The following OLFM3 variants were observed in gnomAD, a reference collection of about 807,000 sequenced individuals.
OLFM3 encodes noelin-3.
OLFM3 carries 20 observed loss-of-function variants against 48.6 expected under a neutral mutation model. That is an observed-to-expected ratio of 0.41 (90% CI 0.29 to 0.60). The LOEUF (loss-of-function observed/expected upper bound fraction) is 0.60. OLFM3 is among the 20% of genes least tolerant of loss of function. The pLI is 0.28. For synonymous variants in OLFM3, 222 were observed against 198.1 expected (o/e 1.12, Z -1.01); for missense variants, 437 against 544.3 (o/e 0.80, Z 1.96).
chr1:101,879,181 A>AT (rs1224407049), intron 1 of OLFM3, among the ~76,000 whole-genome samples: 3 of 151,820 alleles, frequency 2.0e-5, no homozygotes, highest in South Asian at 2.1e-4. Context: ...ATGAGAATCC[A>AT]TTTTTTTGCT....
intron 1 of OLFM3, among the ~76,000 whole-genome samples, chr1:101,925,906 C>G (rs1659257008): frequency 6.6e-6 from 1 of 152,016 alleles, no homozygotes; most frequent in Non-Finnish European, 1.5e-5. Flanking sequence ...ATGCTCATTA[C>G]CTAGCACTTG....
At chr1:101,952,172 A>G (rs1332539805) in intron 1 of OLFM3, among the ~76,000 whole-genome samples, 1 of 152,134 alleles carries the variant, frequency 6.6e-6, no homozygotes, top group Non-Finnish European at 1.5e-5. Context: ...AGCCTTCAGG[A>G]CTTAGTTCAA....
intron 1 of OLFM3, among the ~76,000 whole-genome samples, chr1:101,974,752 T>C (rs1660902297): frequency 6.6e-6 from 1 of 152,118 alleles, no homozygotes; most frequent in Admixed American, 6.6e-5. Flanking sequence ...ACTAGATAGT[T>C]TTGACATTTG....
intron 1 of OLFM3, among the ~76,000 whole-genome samples, chr1:101,961,655 G>A (rs973725190): frequency 7.9e-5 from 12 of 152,058 alleles, no homozygotes; most frequent in Admixed American, 2.6e-4. Flanking sequence ...AGGAGATAGC[G>A]ATTTACTGCA....
Position 101,836,988 on chromosome 1 carries a change from C to G in OLFM3, c.107G>C (p.Ser36Thr), listed in dbSNP as rs1285847136. 1.2e-6 allele frequency: 2 copies of G among 1,614,070 alleles called. No individual in the cohort carries two copies. Among genetic ancestry groups the G allele is most frequent in the African/African-American group, 2.7e-5 (2 of 75,050 alleles). The change falls in exon 2 of 6, where the codon AGC (serine) becomes ACC (threonine). Residue 36 changes from serine (S) to threonine (T), a missense_variant. Around this residue, in one of 3 missense-constraint regions of OLFM3, gnomAD observed 314 missense variants for 365.5 expected, o/e 0.86. Coordinates refer to ENST00000370103, the MANE Select transcript of OLFM3 (RefSeq NM_058170.4). ...ISPKEGWQVY[S>T]SAQDPDGRCI... ...CCGCCCATCAGGATCCTGAGCTGAG[C>G]TGTACACCTGCCACCCTTCTTTAGG...
intron 1 of OLFM3, among the ~76,000 whole-genome samples, chr1:101,928,159 TG>T (rs1308201553): frequency 6.6e-6 from 1 of 152,088 alleles, no homozygotes; most frequent in Non-Finnish European, 1.5e-5. Context: ...AGAGACCACA[TG>T]AAATCTTTCT....
chr1:101,991,005 AAAAAAAAAAAAATATATAT>A (rs1338975696), intron 1 of OLFM3, among the ~76,000 whole-genome samples: 1 of 100,032 alleles, frequency 1.0e-5, no homozygotes, highest in African/African-American at 3.9e-5. Flanking sequence ...AAAAAAAAAA[AAAAAAAAAAAAATATATAT>A]ATATATATAT....
chr1:101,991,016 A>AATATATATATAT (rs1215588189), intron 1 of OLFM3, among the ~76,000 whole-genome samples: 28 of 32,218 alleles, frequency 8.7e-4, no homozygotes, highest in African/African-American at 1.5e-3. Context: ...AAAAAAAAAA[A>AATATATATATAT]ATATATATAT....
In OLFM3 at chr1:101,804,802, T is replaced by A. The variant is rs781547568; in HGVS notation, c.813A>T (p.Ala271=). Residue 271 remains alanine, a synonymous_variant, in exon 6 of 6, where the codon GCA becomes GCT. Coordinates refer to ENST00000370103, the MANE Select transcript of OLFM3 (RefSeq NM_058170.4). The surrounding 1 kb of genome is among the most constrained non-coding windows in gnomAD (Gnocchi z 4.5). The part of the protein sequence containing the change: ...SRTYNLPFKW[A]GTNHVVYNGS... The stretch of plus-strand genomic sequence containing the variant: ...CATTGTAGACAACATGGTTAGTTCC[T>A]GCCCACTTGAAAGGAAGGTTGTATG... The A allele has an allele frequency of 6.2e-7, 1 of 1,612,680 alleles. No individual in the cohort carries two copies. The highest frequency in any genetic ancestry group is 8.5e-7 in the Non-Finnish European group (1 of 1,179,114).
At chr1:101,854,767 G>A (rs902077253) in intron 1 of OLFM3, among the ~76,000 whole-genome samples, 6 of 151,994 alleles carry the variant, frequency 3.9e-5, no homozygotes, top group Non-Finnish European at 7.4e-5. Flanking sequence ...GCAGTCTCAC[G>A]TGTACCCTTT....
chr1:101,967,018 T>C (rs2101091084), intron 1 of OLFM3, among the ~76,000 whole-genome samples: 1 of 152,310 alleles, frequency 6.6e-6, no homozygotes, highest in South Asian at 2.1e-4. Flanking sequence ...CTCTGATTGT[T>C]TCTTTTGTCA....
intron 1 of OLFM3, among the ~76,000 whole-genome samples, chr1:101,948,737 C>T (rs1251446200): frequency 6.6e-6 from 1 of 151,702 alleles, no homozygotes; most frequent in Non-Finnish European, 1.5e-5. Flanking sequence ...AGGGTTTTCT[C>T]TTTTTATTCT....
At chr1:101,827,308 A>C (rs1654907815) in intron 3 of OLFM3, among the ~76,000 whole-genome samples, 1 of 151,834 alleles carries the variant, frequency 6.6e-6, no homozygotes, top group Non-Finnish European at 1.5e-5. Flanking sequence ...AAATTGTGTA[A>C]CAGAGGAAGA....
At chr1:101,902,272 A>G (rs564157608) in intron 1 of OLFM3, among the ~76,000 whole-genome samples, 5 of 152,222 alleles carry the variant, frequency 3.3e-5, no homozygotes, top group African/African-American at 9.6e-5. Context: ...TCTATTCGAT[A>G]GAATAAGTCC....
intron 1 of OLFM3, among the ~76,000 whole-genome samples, chr1:101,962,943 C>T (rs1660508188): frequency 6.6e-6 from 1 of 152,184 alleles, no homozygotes; most frequent in Non-Finnish European, 1.5e-5. Flanking sequence ...AATTTGGCAA[C>T]CCTATGTGGT....
chr1:101,836,760 C>A (rs1655433961), intron 2 of OLFM3, 119 bp downstream of exon 2: 2 of 1,025,028 alleles, frequency 2.0e-6, no homozygotes, highest in African/African-American at 3.2e-5. Context: ...AAAAGCTTAT[C>A]TGAGAAGGGG....
At chr1:101,925,680 G>A (rs564490642) in intron 1 of OLFM3, among the ~76,000 whole-genome samples, 20 of 144,618 alleles carry the variant, frequency 1.4e-4, no homozygotes, top group Admixed American at 2.1e-4. Context: ...TACCACTCCC[G>A]GCTAATTAAT....
intron 2 of OLFM3, among the ~76,000 whole-genome samples, chr1:101,834,705 C>T (rs915310964): frequency 6.6e-6 from 1 of 152,052 alleles, no homozygotes; most frequent in Non-Finnish European, 1.5e-5. Context: ...TGTGGTGACT[C>T]CAATTTTGTG....
chr1:101,926,256 C>A (rs1177923315), intron 1 of OLFM3, among the ~76,000 whole-genome samples: 1 of 152,166 alleles, frequency 6.6e-6, no homozygotes, highest in African/African-American at 2.4e-5. Context: ...TTTCTTTCTA[C>A]GGCAACAGAG....
Sources: gnomAD v4.1 joint callset for allele counts (sites outside exome capture counted in the v4.1 genomes callset) on GRCh38, gnomAD v4.1.1 for gene constraint, gnomAD v4.1.1 regional missense constraint, Gnocchi (gnomAD v3.1) non-coding constraint, MANE v1.5 for transcripts, NCBI Gene and HGNC (gene_info 2026-07-23, HGNC 2026-07-21) for gene names.